Variants in MBNL1 observed in about 807,000 individuals in gnomAD.
MBNL1 encodes muscleblind-like protein 1.
A neutral mutation model predicts 42.2 loss-of-function variants in MBNL1; 8 were observed. The ratio of observed to expected loss-of-function variants is 0.19; its 90% confidence interval spans 0.11 to 0.34. The LOEUF is 0.34. Ranked by LOEUF, MBNL1 falls within the 10% of genes least tolerant of loss-of-function variation. MBNL1 has a pLI of 1.00. For synonymous variants in MBNL1, 169 were observed against 173.9 expected (o/e 0.97, Z 0.22); for missense variants, 309 against 495.3 (o/e 0.62, Z 3.57).
intron 2 of MBNL1, among the ~76,000 whole-genome samples, chr3:152,331,988 G>A (rs1273018421): frequency 6.6e-6 from 1 of 152,238 alleles, no homozygotes; most frequent in Non-Finnish European, 1.5e-5. Context: ...CACCGCTCCC[G>A]GCCTTGATAC....
Position 152,432,821 on chromosome 3 carries a change from G to T in MBNL1, c.450G>T (p.Leu150Phe). 3.1e-6 allele frequency: 5 copies of T among 1,614,144 alleles called. No homozygotes were observed. Among genetic ancestry groups the T allele is most frequent in the Non-Finnish European group, 4.2e-6 (5 of 1,180,028 alleles). ...CAAGCCTGGTCCCGGCAGAGATCTT[G>T]CCGACTGCACCAATGTTGGTTACAG... ...VSPSLVPAEI[L>F]PTAPMLVTGN... The change falls in exon 4 of 10, where the codon TTG becomes TTT. Residue 150 changes from leucine to phenylalanine, a missense_variant. Leu to Phe is a conservative substitution (Grantham distance 22). Transcript: ENST00000324210.
chr3:152,452,768 C>G (rs1466124503), intron 6 of MBNL1, among the ~76,000 whole-genome samples: 1 of 152,176 alleles, frequency 6.6e-6, no homozygotes, highest in African/African-American at 2.4e-5. Flanking sequence ...CAGAATCACA[C>G]CTCTTGTCTC....
In MBNL1 at chr3:152,280,125, T is replaced by G. The variant is rs376145070; in HGVS notation, c.-790+11033T>G. Among the ~76,000 whole-genome samples the G allele has an allele frequency of 2.6e-5, 4 of 152,306 alleles. No individual in the cohort carries two copies. In the East Asian group the frequency reaches 7.7e-4, roughly 29 times the overall value. On this transcript the variant is annotated intron_variant, in intron 1 of 9. Transcript: ENST00000324210. ...GCAAATATTGATTGCAGTGCCAGTGTGCCATGTATCATGCTATACCCTTTG... is the reference window on the plus strand; with the variant it reads ...GCAAATATTGATTGCAGTGCCAGTGGGCCATGTATCATGCTATACCCTTTG...
At chr3:152,392,211 G>A (rs1219818706) in intron 2 of MBNL1, among the ~76,000 whole-genome samples, 1 of 152,064 alleles carries the variant, frequency 6.6e-6, no homozygotes, top group Non-Finnish European at 1.5e-5. Context: ...CTGAAGATGG[G>A]TCTTAATATT....
At position 152,342,494 on chromosome 3, in the gene MBNL1, C is replaced by G. The variant is rs1447930148; in HGVS notation, c.174+42127C>G. Among the ~76,000 whole-genome samples, 5 of 150,032 alleles carry G rather than the reference C, an allele frequency of 3.3e-5. No homozygotes were observed. The Admixed American group carries it at 3.3e-4, about 10-fold the overall frequency. ...ATGTAATGTTTCCAGGGTCACACAA[C>G]TAGAAAAAGATTGAGTCAGAATTCA... On this transcript the variant is annotated intron_variant, in intron 2 of 9. Transcript: ENST00000324210.
intron 6 of MBNL1, among the ~76,000 whole-genome samples, chr3:152,453,143 T>C (rs557394408): frequency 3.0e-4 from 45 of 152,216 alleles, no homozygotes; most frequent in Admixed American, 2.8e-3. Context: ...TAAAATGATA[T>C]ACACTATTTT....
At chr3:152,298,147 A>C (rs1023041714) in intron 1 of MBNL1, among the ~76,000 whole-genome samples, 2 of 152,178 alleles carry the variant, frequency 1.3e-5, no homozygotes, top group Admixed American at 1.3e-4. Context: ...AAAATTATAA[A>C]TATACCATAT....
At chr3:152,449,494 C>T (rs1261466911) in intron 6 of MBNL1, 1 of 152,120 alleles carries the variant, frequency 6.6e-6, no homozygotes. Flanking sequence ...TTTTCAACAA[C>T]TCTCAAATGA....
At chr3:152,322,876 T>A (rs1282543892) in intron 2 of MBNL1, among the ~76,000 whole-genome samples, 1 of 152,116 alleles carries the variant, frequency 6.6e-6, no homozygotes, top group Non-Finnish European at 1.5e-5. Context: ...TGGATTTGTT[T>A]TGCATATGAA....
chr3:152,407,061 GTGTGTGTGTGTT>G (rs1307971214), intron 2 of MBNL1, among the ~76,000 whole-genome samples: 1 of 151,812 alleles, frequency 6.6e-6, no homozygotes, highest in East Asian at 1.9e-4. Context: ...GTGTGTGTGT[GTGTGTGTGTGTT>G]TGTGTGAACT....
chr3:152,246,623 C>G (rs1171853326), intron 2 of MBNL1, among the ~76,000 whole-genome samples: 1 of 151,552 alleles, frequency 6.6e-6, no homozygotes, highest in Admixed American at 6.6e-5. Flanking sequence ...GGCTTCTGAG[C>G]TGTAGTATAT....
At chr3:152,351,757 T>G (rs1016976154) in intron 2 of MBNL1, among the ~76,000 whole-genome samples, 3 of 152,176 alleles carry the variant, frequency 2.0e-5, no homozygotes, top group Admixed American at 6.6e-5. Flanking sequence ...ACTGGGTTAC[T>G]TAAAATTCTT....
chr3:152,309,649 T>G (rs1432468823), intron 2 of MBNL1, among the ~76,000 whole-genome samples: 1 of 152,224 alleles, frequency 6.6e-6, no homozygotes, highest in Admixed American at 6.5e-5. Flanking sequence ...TCATTTTCAA[T>G]TTTCTGCAAA....
intron 2 of MBNL1, among the ~76,000 whole-genome samples, chr3:152,324,829 T>C (rs1256606087): frequency 6.6e-6 from 1 of 152,052 alleles, no homozygotes; most frequent in Non-Finnish European, 1.5e-5. Context: ...TACCTTGGGA[T>C]TGATGTGAGG....
chr3:152,316,298 A>G (rs554466481), intron 2 of MBNL1, among the ~76,000 whole-genome samples: 80 of 152,372 alleles, frequency 5.3e-4, no homozygotes, highest in African/African-American at 1.9e-3. Context: ...GTGAAAACTC[A>G]GCGTTGAAAG....
At chr3:152,353,848 CA>C (rs1360043570) in intron 2 of MBNL1, among the ~76,000 whole-genome samples, 1 of 152,012 alleles carries the variant, frequency 6.6e-6, no homozygotes, top group African/African-American at 2.4e-5. Flanking sequence ...GCCTGTGCTA[CA>C]TGGATTGGTG....
intron 2 of MBNL1, among the ~76,000 whole-genome samples, chr3:152,321,511 A>G (rs2076475930): frequency 6.6e-6 from 1 of 152,028 alleles, no homozygotes; most frequent in Admixed American, 6.6e-5. Context: ...ACTTTACAGA[A>G]TATCTCCCCT....
At chr3:152,351,589 T>A (rs2094994920) in intron 2 of MBNL1, among the ~76,000 whole-genome samples, 1 of 152,186 alleles carries the variant, frequency 6.6e-6, no homozygotes, top group African/African-American at 2.4e-5. Flanking sequence ...GGTACAACAA[T>A]TTTTTAAACA....
chr3:152,281,256 T>C (rs2150355996), intron 1 of MBNL1, among the ~76,000 whole-genome samples: 1 of 152,252 alleles, frequency 6.6e-6, no homozygotes, highest in African/African-American at 2.4e-5. Context: ...GATAAGGTAC[T>C]ACTGTGAGAG....
Sources: gnomAD v4.1 joint callset for allele counts (sites outside exome capture counted in the v4.1 genomes callset) on GRCh38, gnomAD v4.1.1 for gene constraint, MANE v1.5 for transcripts, NCBI Gene and HGNC (gene_info 2026-07-23, HGNC 2026-07-21) for gene names.